SV2C: variants seen among roughly 807,000 people sequenced by gnomAD.
SV2C encodes the protein solute carrier family 22 member B3.
A neutral mutation model predicts 79.7 loss-of-function variants in SV2C; 49 were observed. The observed-to-expected ratio is 0.61, with a 90% confidence interval of 0.49 to 0.78. The LOEUF (loss-of-function observed/expected upper bound fraction) is 0.78, where lower values mean the gene tolerates loss of function less well. SV2C is among the 30% of genes least tolerant of loss of function. The pLI is 0.00. For synonymous variants in SV2C, 334 were observed against 333.2 expected (o/e 1.00, Z -0.03); for missense variants, 833 against 912.9 (o/e 0.91, Z 1.13).
chr5:76,018,259 A>G, the SV2C span, among the ~76,000 whole-genome samples: 1 of 152,156 alleles, frequency 6.6e-6, no homozygotes, highest in Non-Finnish European at 1.5e-5. Context: ...ATTTTATTAA[A>G]AATGTCTTCA....
chr5:76,148,546 C>G (rs1749505723), intron 2 of SV2C, among the ~76,000 whole-genome samples: 1 of 152,106 alleles, frequency 6.6e-6, no homozygotes, highest in Non-Finnish European at 1.5e-5. Flanking sequence ...ACCTCCTGGG[C>G]TCAAGTAATT....
At chr5:76,166,097 T>A (rs1052563361) in intron 2 of SV2C, among the ~76,000 whole-genome samples, 11 of 152,204 alleles carry the variant, frequency 7.2e-5, no homozygotes, top group African/African-American at 2.4e-4. Flanking sequence ...CTCCTGGAAT[T>A]TCCTGATATT....
At chr5:76,206,166 T>G (rs1000748479) in intron 3 of SV2C, among the ~76,000 whole-genome samples, 2 of 152,218 alleles carry the variant, frequency 1.3e-5, no homozygotes, top group Non-Finnish European at 2.9e-5. Flanking sequence ...TTATAAGATT[T>G]GGGGGTTGGG....
intron 2 of SV2C, chr5:76,173,696 C>G: frequency 6.2e-7 from 1 of 1,613,690 alleles, no homozygotes; most frequent in Non-Finnish European, 8.5e-7. Context: ...GTTAATTTGC[C>G]GCACTAGGTC....
chr5:75,990,967 G>A, the SV2C span, among the ~76,000 whole-genome samples: 9 of 151,946 alleles, frequency 5.9e-5, no homozygotes, highest in East Asian at 5.8e-4. Context: ...ATTGCCTATC[G>A]TCAGGCCTGA....
chr5:76,023,857 A>G, the SV2C span, among the ~76,000 whole-genome samples: 1 of 151,728 alleles, frequency 6.6e-6, no homozygotes, highest in Non-Finnish European at 1.5e-5. Context: ...CATTATTGAT[A>G]TTTTGGGCCA....
At chr5:76,221,515 G>A (rs553498794) in intron 4 of SV2C, among the ~76,000 whole-genome samples, 108 of 152,292 alleles carry the variant, frequency 7.1e-4, no homozygotes, top group African/African-American at 2.3e-3. Flanking sequence ...CAAGCATGAC[G>A]TTGTGGACAA....
At chr5:76,271,613 G>A (rs1295468376) in intron 4 of SV2C, among the ~76,000 whole-genome samples, 1 of 113,544 alleles carries the variant, frequency 8.8e-6, no homozygotes, top group Admixed American at 9.0e-5. Context: ...CTAAGCATGT[G>A]TTCTTTTTTT....
At chr5:76,302,050 T>C (rs1017265533) in intron 12 of SV2C, among the ~76,000 whole-genome samples, 1 of 152,146 alleles carries the variant, frequency 6.6e-6, no homozygotes, top group Middle Eastern at 3.4e-3. Flanking sequence ...CTAGAAGGAA[T>C]TAATAGGGCA....
rs781670211 is a variant in SV2C, at chr5:76,329,534, A to C, written c.*3987A>C. 1.3e-5 allele frequency: 2 copies of C among 152,152 alleles called. No individual in the cohort carries two copies. Among genetic ancestry groups the C allele is most frequent in the Non-Finnish European group, 2.9e-5 (2 of 68,020 alleles). The allele number at this position is 152,152 out of a possible 1,614,324, so 9.4% of individuals were successfully genotyped here. A position where few individuals can be genotyped will look rare whatever the true frequency, so the allele number is the denominator to read the frequency against. On this transcript the variant is annotated 3_prime_UTR_variant, in exon 13 of 13. Coordinates refer to ENST00000502798, the MANE Select transcript of SV2C (RefSeq NM_014979.4). ...AAGATACCTTAAGAGATCAAAGGGG[A>C]GGTGGGAAAAGAAATGTAGTGACAG... is the stretch of plus-strand genomic sequence containing the variant.
the SV2C span, among the ~76,000 whole-genome samples, chr5:75,985,224 A>G: frequency 1.3e-5 from 2 of 151,966 alleles, no homozygotes; most frequent in East Asian, 1.9e-4. Flanking sequence ...TCTCAGCAGG[A>G]TCTAACCCAT....
chr5:76,093,390 G>C (rs532135444), intron 1 of SV2C, among the ~76,000 whole-genome samples: 94 of 152,202 alleles, frequency 6.2e-4, no homozygotes, highest in African/African-American at 2.1e-3. Flanking sequence ...ATGTTGTTTG[G>C]GTGCCCAGAA....
chr5:76,164,721 A>AGTGTGTGTGTGTGTGTGTGTGTGTGTGT (rs10651569), intron 2 of SV2C, among the ~76,000 whole-genome samples: 3 of 141,794 alleles, frequency 2.1e-5, no homozygotes, highest in Non-Finnish European at 4.6e-5. Flanking sequence ...GATGGAACTC[A>AGTGTGTGTGTGTGTGTGTGTGTGTGTGT]GTGTGTGTGT....
At chr5:75,907,558 T>A in the SV2C span, among the ~76,000 whole-genome samples, 1 of 151,700 alleles carries the variant, frequency 6.6e-6, no homozygotes, top group African/African-American at 2.4e-5. Flanking sequence ...TGAGAGAGAG[T>A]AATAAGAATG....
At chr5:75,984,333 G>A in the SV2C span, among the ~76,000 whole-genome samples, 1 of 151,982 alleles carries the variant, frequency 6.6e-6, no homozygotes, top group South Asian at 2.1e-4. Context: ...ATAGCAAATA[G>A]CAAATGATAG....
chr5:76,291,923 C>A, intron 8 of SV2C, 67 bp downstream of exon 8: 1 of 1,210,130 alleles, frequency 8.3e-7, no homozygotes, highest in Non-Finnish European at 1.2e-6. Flanking sequence ...CCTAGCCATG[C>A]TGCTTTCTTT....
chr5:76,107,731 C>T (rs1747967628), intron 1 of SV2C, among the ~76,000 whole-genome samples: 1 of 152,058 alleles, frequency 6.6e-6, no homozygotes, highest in Non-Finnish European at 1.5e-5. Context: ...GTGTGTGCCT[C>T]TAGTCCCAGC....
intron 4 of SV2C, among the ~76,000 whole-genome samples, chr5:76,266,326 G>A (rs553492812): frequency 6.6e-6 from 1 of 152,270 alleles, no homozygotes; most frequent in East Asian, 1.9e-4. Context: ...TCCTGCCTCA[G>A]CCTCCTGAGT....
the SV2C span, among the ~76,000 whole-genome samples, chr5:76,015,755 T>G: frequency 6.6e-6 from 1 of 152,124 alleles, no homozygotes; most frequent in Non-Finnish European, 1.5e-5. Context: ...CTCAACTAAT[T>G]TACCCTGCGG....
Sources: gnomAD v4.1 joint callset for allele counts (sites outside exome capture counted in the v4.1 genomes callset) on GRCh38, gnomAD v4.1.1 for gene constraint, MANE v1.5 for transcripts, NCBI Gene and HGNC (gene_info 2026-07-23, HGNC 2026-07-21) for gene names.